Variants in ST8SIA6 observed in about 807,000 individuals in gnomAD.
ST8SIA6 encodes the protein ST8 alpha-N-acetyl-neuraminide alpha-2,8-sialyltransferase 6, also known as alpha-2,8-sialyltransferase 8F.
A neutral mutation model predicts 33.6 loss-of-function variants in ST8SIA6; 39 were observed. The observed-to-expected ratio is 1.16, with a 90% CI of 0.90 to 1.52. The LOEUF (loss-of-function observed/expected upper bound fraction) is 1.52. ST8SIA6 is among the 40% of genes most tolerant of loss of function. ST8SIA6 has a pLI of 0.00. For synonymous variants in ST8SIA6, 172 were observed against 167.2 expected, an observed-to-expected ratio of 1.03 and a Z score of -0.22; for missense variants, 441 against 443.8, an observed-to-expected ratio of 0.99 and a Z score of 0.06.
intron 2 of ST8SIA6, among the ~76,000 whole-genome samples, chr10:17,391,714 A>G (rs1468587821): frequency 1.3e-5 from 2 of 152,160 alleles, no homozygotes; most frequent in Non-Finnish European, 2.9e-5. Context: ...AACTTTGAAA[A>G]TTGGAGGTGG....
intron 5 of ST8SIA6, among the ~76,000 whole-genome samples, chr10:17,329,099 G>C (rs181044738): frequency 2.0e-5 from 3 of 152,292 alleles, no homozygotes; most frequent in African/African-American, 7.2e-5. Flanking sequence ...CTGGCTCTGG[G>C]AGCTGCCCAA....
At chr10:17,394,477 T>C (rs892091565) in intron 2 of ST8SIA6, among the ~76,000 whole-genome samples, 1 of 152,022 alleles carries the variant, frequency 6.6e-6, no homozygotes, top group Non-Finnish European at 1.5e-5. Flanking sequence ...TCAAAGTCAT[T>C]ATTGCTTTAT....
chr10:17,359,668 G>T, intron 3 of ST8SIA6, 68 bp from the exon 4 acceptor site: 5 of 930,566 alleles, frequency 5.4e-6, no homozygotes, highest in Non-Finnish European at 8.0e-6. Context: ...AGAAGATACT[G>T]TTATAATCTA....
intron 4 of ST8SIA6, among the ~76,000 whole-genome samples, chr10:17,355,192 C>A (rs1243665890): frequency 1.3e-5 from 2 of 152,136 alleles, no homozygotes; most frequent in Admixed American, 1.3e-4. Context: ...TTATATTTTC[C>A]CCAGACCAAG....
intron 2 of ST8SIA6, among the ~76,000 whole-genome samples, chr10:17,429,154 T>C (rs969036205): frequency 6.6e-6 from 1 of 152,024 alleles, no homozygotes; most frequent in Non-Finnish European, 1.5e-5. Flanking sequence ...CTTGGTTTCA[T>C]ATTTTGGACT....
chr10:17,417,106 C>T (rs1851630041), intron 2 of ST8SIA6, among the ~76,000 whole-genome samples: 1 of 152,076 alleles, frequency 6.6e-6, no homozygotes, highest in African/African-American at 2.4e-5. Context: ...AGCTTATAAT[C>T]ATGGCGGGAT....
chr10:17,392,881 C>T (rs1159231743), intron 2 of ST8SIA6, among the ~76,000 whole-genome samples: 2 of 152,158 alleles, frequency 1.3e-5, no homozygotes, highest in Non-Finnish European at 1.5e-5. Flanking sequence ...TGTGATGGTT[C>T]ATTTTCTGTG....
At chr10:17,404,360 A>C (rs75134917) in intron 2 of ST8SIA6, among the ~76,000 whole-genome samples, 2 of 152,128 alleles carry the variant, frequency 1.3e-5, no homozygotes, top group Admixed American at 1.3e-4. Flanking sequence ...TTTGCCCTTC[A>C]ATGGAGAACC....
chr10:17,328,106 T>C (rs1848191508), intron 5 of ST8SIA6, among the ~76,000 whole-genome samples: 1 of 152,102 alleles, frequency 6.6e-6, no homozygotes, highest in African/African-American at 2.4e-5. Context: ...GCCTTTCTGA[T>C]AAACAAGGAC....
At chr10:17,365,492 C>T (rs1176738146) in intron 3 of ST8SIA6, among the ~76,000 whole-genome samples, 3 of 152,166 alleles carry the variant, frequency 2.0e-5, no homozygotes, top group African/African-American at 2.4e-5. Context: ...AGTTTAAAAT[C>T]GTGGACTGCT....
At chr10:17,378,419 T>A (rs566840307) in intron 3 of ST8SIA6, among the ~76,000 whole-genome samples, 23 of 152,332 alleles carry the variant, frequency 1.5e-4, no homozygotes, top group African/African-American at 5.5e-4. Context: ...AGGCAAGTTT[T>A]ACTCACTAAT....
chr10:17,343,234 A>C (rs1440553459), intron 4 of ST8SIA6, among the ~76,000 whole-genome samples: 1 of 152,166 alleles, frequency 6.6e-6, no homozygotes, highest in African/African-American at 2.4e-5. Context: ...AAGGTGAACA[A>C]CGGTTGTTAA....
chr10:17,386,643 C>T (rs986225952), intron 3 of ST8SIA6, among the ~76,000 whole-genome samples: 2 of 152,216 alleles, frequency 1.3e-5, no homozygotes, highest in East Asian at 1.9e-4. Flanking sequence ...CCTGAGAGAA[C>T]GCCAACAAAC....
chr10:17,374,737 A>AT (rs1272970332), intron 3 of ST8SIA6, among the ~76,000 whole-genome samples: 3 of 90,492 alleles, frequency 3.3e-5, no homozygotes, highest in African/African-American at 1.1e-4. Flanking sequence ...TAAATAAATA[A>AT]ATAAATAAAT....
rs1021125620 is a variant in ST8SIA6, at chr10:17,418,719, G to A, written c.201-28099C>T. ...GTAATTTAAGTCAAGCTAGCTGGGC[G>A]CGATGGCTCATGCCTGTAATCCCAG... On this transcript the variant is annotated intron_variant, in intron 2 of 7. Transcript: ENST00000377602. Among the ~76,000 whole-genome samples, 5 of 152,112 alleles carry A rather than the reference G, an allele frequency of 3.3e-5. No individual in the cohort carries two copies. In the South Asian group the frequency reaches 6.2e-4, roughly 19 times the overall value.
chr10:17,443,057 C>T (rs201924810), intron 2 of ST8SIA6, among the ~76,000 whole-genome samples: 12 of 152,138 alleles, frequency 7.9e-5, no homozygotes, highest in Admixed American at 3.3e-4. Flanking sequence ...TTTGGTATAC[C>T]CAAAGTGAAC....
chr10:17,323,065 T>C lies in ST8SIA6; in HGVS notation c.728A>G (p.Lys243Arg). 6.2e-7 allele frequency: 1 copy of C among 1,610,548 alleles called. No individual in the cohort carries two copies. Among genetic ancestry groups the C allele is most frequent in the Non-Finnish European group, 8.5e-7 (1 of 1,177,846 alleles). ...AGTTATGTAACTTGCAGCTACTTACTTCAGAGTTATGATGCTTGGATTTAT... is the reference window on the plus strand; with the variant it reads ...AGTTATGTAACTTGCAGCTACTTACCTCAGAGTTATGATGCTTGGATTTAT... Reference protein sequence around the residue: ...VTINPSIITLKYGNLKEKKAL... With the variant: ...VTINPSIITLRYGNLKEKKAL... The change falls in exon 7 of 8, where the codon AAA becomes AGA. Residue 243 changes from lysine (K) to arginine (R), a missense_variant and splice_region_variant. Coordinates refer to ENST00000377602, the MANE Select transcript of ST8SIA6 (RefSeq NM_001004470.3).
At chr10:17,334,018 G>T (rs192091753) in intron 4 of ST8SIA6, among the ~76,000 whole-genome samples, 5,095 of 144,248 alleles carry the variant, frequency 0.035, 111 homozygotes, top group South Asian at 0.1. Flanking sequence ...ACTGCACCTG[G>T]TTTTTTTTTT....
chr10:17,412,168 G>C (rs1277969243), intron 2 of ST8SIA6, among the ~76,000 whole-genome samples: 2 of 152,080 alleles, frequency 1.3e-5, no homozygotes, highest in Non-Finnish European at 2.9e-5. Context: ...AGCAATTGCT[G>C]TGACCATCCT....
Sources: gnomAD v4.1 joint callset for allele counts (sites outside exome capture counted in the v4.1 genomes callset) on GRCh38, gnomAD v4.1.1 for gene constraint, MANE v1.5 for transcripts, NCBI Gene and HGNC (gene_info 2026-07-23, HGNC 2026-07-21) for gene names.